Variants in CD38 observed in about 807,000 individuals in gnomAD.
The protein encoded by CD38 is CD38 molecule, also known as ADP-ribosyl cyclase/cyclic ADP-ribose hydrolase 1.
A neutral mutation model predicts 36.3 loss-of-function variants in CD38; 31 were observed. The ratio of observed to expected loss-of-function variants is 0.85; its 90% CI spans 0.64 to 1.15. The LOEUF (loss-of-function observed/expected upper bound fraction) is 1.15. Among genes scored for constraint, CD38 ranks in the 50% most tolerant of loss-of-function variants. CD38 has a pLI of 0.00. For synonymous variants in CD38, 131 were observed against 135.2 expected (o/e 0.97, Z 0.22); for missense variants, 380 against 371.9 (o/e 1.02, Z -0.18).
At chr4:15,807,199 G>A (rs974057182) in intron 1 of CD38, among the ~76,000 whole-genome samples, 2 of 152,132 alleles carry the variant, frequency 1.3e-5, no homozygotes, top group Non-Finnish European at 2.9e-5. Context: ...TGGGGGAAAG[G>A]TTCAAGGAGA....
At chr4:15,805,148 A>C (rs73131161) in intron 1 of CD38, among the ~76,000 whole-genome samples, 2,876 of 152,314 alleles carry the variant, frequency 0.019, 87 homozygotes, top group African/African-American at 0.066. Flanking sequence ...TCAGATGTGT[A>C]CTAAAAATAT....
chr4:15,836,153 A>AT (rs1439514170), intron 4 of CD38, among the ~76,000 whole-genome samples: 4 of 152,128 alleles, frequency 2.6e-5, no homozygotes, highest in Admixed American at 2.6e-4. Context: ...AGACTTGGTA[A>AT]TTTTTTTAAA....
chr4:15,793,295 T>C (rs1723043619), intron 1 of CD38, among the ~76,000 whole-genome samples: 1 of 152,010 alleles, frequency 6.6e-6, no homozygotes, highest in South Asian at 2.1e-4. Context: ...TATATCCATT[T>C]TGAGAAAGAG....
In CD38 at chr4:15,852,275, C is replaced by T. The variant is rs1426750284; in HGVS notation, c.*3673C>T. On this transcript the variant is annotated 3_prime_UTR_variant, in exon 8 of 8. Coordinates refer to ENST00000226279, the MANE Select transcript of CD38 (RefSeq NM_001775.4). ...TGTTTCTTTGGCTTTGCCTTGGTAA[C>T]TTTCTGTGCCTTTTGTAGCTCTTGT... is the stretch of plus-strand genomic sequence containing the variant. The T allele has an allele frequency of 6.6e-6, 1 of 152,218 alleles. No individual in the cohort carries two copies. Among genetic ancestry groups the T allele is most frequent in the Non-Finnish European group, 1.5e-5 (1 of 68,042 alleles). 9.4% of individuals were successfully genotyped at this position (152,218 alleles called of 1,614,324 possible).
chr4:15,808,276 G>T (rs1220884411), intron 1 of CD38, among the ~76,000 whole-genome samples: 1 of 152,136 alleles, frequency 6.6e-6, no homozygotes, highest in Admixed American at 6.5e-5. Flanking sequence ...ACATGGGTCT[G>T]GGGCACCAAC....
In CD38 at chr4:15,835,652, A is replaced by G. The variant is rs1450172207; in HGVS notation, c.585+1350A>G. On this transcript the variant is annotated intron_variant, in intron 4 of 7. Transcript: ENST00000226279. Reference sequence around the variant, plus strand: ...CTTGGCCTCCCAAGGTGCTAAGACTACAGCCATGGGCCACCATGCCCGGCT... The same window carrying G: ...CTTGGCCTCCCAAGGTGCTAAGACTGCAGCCATGGGCCACCATGCCCGGCT... Among the ~76,000 whole-genome samples, 7 of 151,516 alleles carry G rather than the reference A, an allele frequency of 4.6e-5. No homozygotes were observed. In the East Asian group the frequency reaches 9.8e-4, roughly 21 times the overall value.
At chr4:15,787,021 C>T (rs764845108) in intron 1 of CD38, among the ~76,000 whole-genome samples, 2 of 146,624 alleles carry the variant, frequency 1.4e-5, no homozygotes, top group Non-Finnish European at 2.9e-5. Flanking sequence ...GCTCGCCGGC[C>T]GCTCAGAGTG....
intron 1 of CD38, among the ~76,000 whole-genome samples, chr4:15,807,946 G>T (rs1430090886): frequency 6.6e-6 from 1 of 152,136 alleles, no homozygotes; most frequent in African/African-American, 2.4e-5. Flanking sequence ...GACTGTGTGA[G>T]GAACCCCACG....
chr4:15,793,517 G>A (rs774563118), intron 1 of CD38, among the ~76,000 whole-genome samples: 10 of 151,806 alleles, frequency 6.6e-5, no homozygotes, highest in South Asian at 2.1e-4. Context: ...CTAATGAAAC[G>A]TCTACTGAAT....
At chr4:15,814,806 T>G (rs1374456326) in intron 1 of CD38, among the ~76,000 whole-genome samples, 1 of 141,852 alleles carries the variant, frequency 7.0e-6, no homozygotes, top group Non-Finnish European at 1.5e-5. Flanking sequence ...TTGTTTTTTG[T>G]TTTTTGTTTT....
At chr4:15,821,875 T>TA (rs879333571) in intron 2 of CD38, among the ~76,000 whole-genome samples, 37 of 142,990 alleles carry the variant, frequency 2.6e-4, no homozygotes, top group Middle Eastern at 3.5e-3. Context: ...GGCAGAGATT[T>TA]AAAAAAAAAA....
In CD38 at chr4:15,799,925, C is replaced by T. The variant is rs188205206; in HGVS notation, c.234-16586C>T. ...TCTTGGGTAACTGCCACACTTCACC[C>T]TCATACAGTGGGCCCCAGTAAAACA... On this transcript the variant is annotated intron_variant, in intron 1 of 7. Transcript: ENST00000226279. 2.2e-3 allele frequency among the ~76,000 whole-genome samples: 339 copies of T among 152,282 alleles called. 1 individual carries two copies. Among genetic ancestry groups the T allele is most frequent in the African/African-American group, 7.8e-3 (326 of 41,548 alleles).
intron 2 of CD38, among the ~76,000 whole-genome samples, chr4:15,823,706 C>G (rs1416752099): frequency 6.6e-6 from 1 of 152,196 alleles, no homozygotes; most frequent in Non-Finnish European, 1.5e-5. Flanking sequence ...TGCTTTTACA[C>G]TGTTGGTGGG....
intron 2 of CD38, among the ~76,000 whole-genome samples, chr4:15,821,449 A>G (rs976270235): frequency 6.6e-5 from 10 of 152,112 alleles, no homozygotes; most frequent in African/African-American, 2.4e-4. Flanking sequence ...CGCTAGCTAG[A>G]CTAATAAAGA....
intron 5 of CD38, among the ~76,000 whole-genome samples, chr4:15,838,813 G>C (rs1163171726): frequency 6.6e-6 from 1 of 152,132 alleles, no homozygotes; most frequent in Non-Finnish European, 1.5e-5. Flanking sequence ...TGATGGTGAT[G>C]GGAAGATTAA....
At position 15,852,556 on chromosome 4, in the gene CD38, T is replaced by C. The variant is rs1442875278; in HGVS notation, c.*3954T>C. The C allele has an allele frequency of 6.6e-6, 1 of 152,224 alleles. No individual in the cohort carries two copies. Among genetic ancestry groups the C allele is most frequent in the Non-Finnish European group, 1.5e-5 (1 of 68,046 alleles). 9.4% of individuals were successfully genotyped at this position (152,224 alleles called of 1,614,324 possible). ...AAATATTAAAATACACCTAGAATACTGTATAACTTTAAGTCATTTTATCAA... is the reference window on the plus strand; with the variant it reads ...AAATATTAAAATACACCTAGAATACCGTATAACTTTAAGTCATTTTATCAA... On this transcript the variant is annotated 3_prime_UTR_variant, in exon 8 of 8. Transcript: ENST00000226279.
At chr4:15,782,748 A>G (rs1722726393) in intron 1 of CD38, among the ~76,000 whole-genome samples, 1 of 152,180 alleles carries the variant, frequency 6.6e-6, no homozygotes, top group Non-Finnish European at 1.5e-5. Flanking sequence ...GTATTTCTTT[A>G]GAGGTTGTAG....
intron 1 of CD38, among the ~76,000 whole-genome samples, chr4:15,791,034 G>A (rs1215308022): frequency 7.1e-5 from 10 of 139,950 alleles, no homozygotes; most frequent in African/African-American, 2.6e-4. Context: ...CACCCCGTCC[G>A]GGAGGGAGGT....
At position 15,785,964 on chromosome 4, in the gene CD38, G is replaced by A. The variant is rs571210594; in HGVS notation, c.233+7317G>A. On this transcript the variant is annotated intron_variant, in intron 1 of 7. Coordinates refer to ENST00000226279, the MANE Select transcript of CD38 (RefSeq NM_001775.4). ...CAGGAGTGAAGCTGCAGACCTTCAC[G>A]GTGAGTGTTACAGCTCTTAAGGCAG... Among the ~76,000 whole-genome samples the A allele has an allele frequency of 5.3e-5, 8 of 152,272 alleles. No individual in the cohort carries two copies. The East Asian group carries it at 7.7e-4, about 15-fold the overall frequency.
Sources: allele counts gnomAD v4.1 joint callset (sites outside exome capture counted in the v4.1 genomes callset), GRCh38; gene constraint gnomAD v4.1.1; transcripts MANE v1.5; gene names NCBI Gene and HGNC (gene_info 2026-07-23, HGNC 2026-07-21).